ZNF735: variants seen among roughly 807,000 people sequenced by gnomAD.
ZNF735 encodes the protein zinc finger protein 735.
Under a neutral mutation model 13.4 loss-of-function variants are expected in ZNF735, and 11 were observed. The ratio of observed to expected loss-of-function variants is 0.82; its 90% CI spans 0.52 to 1.36. The LOEUF (loss-of-function observed/expected upper bound fraction) is 1.36. Ranked by LOEUF, ZNF735 falls within the 40% of genes most tolerant of loss-of-function variation. The pLI, the probability that ZNF735 is intolerant of heterozygous loss-of-function variation, is 0.00. For synonymous variants in ZNF735, 171 were observed against 162.6 expected (o/e 1.05, Z -0.39); for missense variants, 500 against 484.6 (o/e 1.03, Z -0.30).
At chr7:64,219,434 G>A in exon 4 of ZNF735, 2 of 1,613,892 alleles carry the variant, frequency 1.2e-6, no homozygotes, top group African/African-American at 1.3e-5. Context: ...TTAAAAAAAT[G>A]TTGTAAAAGA....
At chr7:64,211,870 A>T (rs1312018146) in intron 1 of ZNF735, among the ~76,000 whole-genome samples, 1 of 94,116 alleles carries the variant, frequency 1.1e-5, no homozygotes, top group African/African-American at 4.1e-5. Context: ...CATCTCAAAA[A>T]AAAAAGAAAA....
Position 64,207,596 on chromosome 7 carries a change from C to T in ZNF735, c.39+355C>T, listed in dbSNP as rs559659716. ...GTGCAGGATTCATAAGTGGTAAGAG[C>T]TGTGGTCCCTGGGGTCCCTAGTTCC... On this transcript the variant is annotated intron_variant, in intron 1 of 3. Coordinates refer to ENST00000429565, the Ensembl canonical transcript of ZNF735. 5.3e-5 allele frequency among the ~76,000 whole-genome samples: 8 copies of T among 152,306 alleles called. No individual in the cohort carries two copies. In the East Asian group the frequency reaches 1.5e-3, roughly 29 times the overall value.
intron 3 of ZNF735, among the ~76,000 whole-genome samples, chr7:64,215,048 T>C (rs1037802303): frequency 1.8e-4 from 27 of 151,780 alleles, no homozygotes; most frequent in African/African-American, 6.1e-4. Context: ...GTTTAATCAT[T>C]TGTCCATTTC....
intron 3 of ZNF735, 56 bp from the exon 4 acceptor site, chr7:64,219,258 A>T: frequency 1.9e-6 from 3 of 1,568,556 alleles, no homozygotes; most frequent in Non-Finnish European, 2.6e-6. Context: ...TGATTTGTAC[A>T]GTATATTTAT....
chr7:64,207,565 C>T (rs1787304031), intron 1 of ZNF735, among the ~76,000 whole-genome samples: 1 of 152,194 alleles, frequency 6.6e-6, no homozygotes. Context: ...AGAATCCTGA[C>T]ACAGGGTGCA....
chr7:64,210,573 T>C (rs1451912555), intron 1 of ZNF735, among the ~76,000 whole-genome samples: 1 of 152,174 alleles, frequency 6.6e-6, no homozygotes, highest in Admixed American at 6.5e-5. Flanking sequence ...CAGGAGAGTT[T>C]AGTTCAACCT....
At chr7:64,216,066 C>T (rs1239321414) in intron 3 of ZNF735, among the ~76,000 whole-genome samples, 12 of 152,052 alleles carry the variant, frequency 7.9e-5, no homozygotes, top group East Asian at 1.9e-4. Context: ...GAGGCTGAGG[C>T]GGGTGGATCA....
intron 3 of ZNF735, among the ~76,000 whole-genome samples, chr7:64,217,911 G>T (rs1250420345): frequency 2.0e-5 from 3 of 151,886 alleles, no homozygotes; most frequent in Non-Finnish European, 4.4e-5. Context: ...TATGTTTTAT[G>T]ATTATTTTTA....
At chr7:64,219,705 T>G in exon 4 of ZNF735, 1 of 1,591,710 alleles carries the variant, frequency 6.3e-7, no homozygotes, top group Non-Finnish European at 8.6e-7. Flanking sequence ...GTGAAGAATG[T>G]GGCAAATCCT....
chr7:64,208,451 T>C (rs1787320062), intron 1 of ZNF735, among the ~76,000 whole-genome samples: 1 of 151,790 alleles, frequency 6.6e-6, no homozygotes, highest in Non-Finnish European at 1.5e-5. Context: ...GAGACGGGAT[T>C]TCACCACGTT....
At chr7:64,213,643 T>C (rs1787386396) in intron 2 of ZNF735, among the ~76,000 whole-genome samples, 1 of 152,138 alleles carries the variant, frequency 6.6e-6, no homozygotes, top group Non-Finnish European at 1.5e-5. Context: ...AGCATAATAC[T>C]AGTTTGGTAA....
At chr7:64,217,787 G>A (rs1584215883) in intron 3 of ZNF735, among the ~76,000 whole-genome samples, 1 of 151,540 alleles carries the variant, frequency 6.6e-6, no homozygotes, top group Non-Finnish European at 1.5e-5. Flanking sequence ...ACCTCTTAAT[G>A]TTACAATAGT....
chr7:64,219,820 A>G (rs1300168785), exon 4 of ZNF735: 8 of 1,613,334 alleles, frequency 5.0e-6, no homozygotes, highest in Non-Finnish European at 6.8e-6. Flanking sequence ...CTCAAACCTT[A>G]CTAGACATAA....
intron 3 of ZNF735, among the ~76,000 whole-genome samples, chr7:64,218,544 T>C (rs1787448271): frequency 6.6e-6 from 1 of 152,128 alleles, no homozygotes; most frequent in South Asian, 2.1e-4. Flanking sequence ...TTCTCATTTA[T>C]CTGATGTCTG....
chr7:64,216,206 G>A (rs1481024997), intron 3 of ZNF735, among the ~76,000 whole-genome samples: 1 of 151,642 alleles, frequency 6.6e-6, no homozygotes, highest in Non-Finnish European at 1.5e-5. Context: ...TGAGGCAGGA[G>A]AATGGCATGA....
intron 1 of ZNF735, among the ~76,000 whole-genome samples, chr7:64,208,018 G>A (rs1049494101): frequency 4.0e-5 from 6 of 151,886 alleles, no homozygotes; most frequent in Non-Finnish European, 8.8e-5. Context: ...AGAGCGCCCA[G>A]CTATGGCTTG....
chr7:64,208,248 T>TTTG (rs1787314690), intron 1 of ZNF735, among the ~76,000 whole-genome samples: 1 of 48,972 alleles, frequency 2.0e-5, no homozygotes, highest in African/African-American at 7.9e-5. Flanking sequence ...ATAAATGTTT[T>TTTG]TTTTTTTTTT....
intron 1 of ZNF735, among the ~76,000 whole-genome samples, chr7:64,209,371 C>T (rs999411351): frequency 3.4e-5 from 5 of 146,328 alleles, no homozygotes; most frequent in East Asian, 4.0e-4. Context: ...TTTTTTGAGA[C>T]GGAGCTTCGC....
intron 3 of ZNF735, among the ~76,000 whole-genome samples, chr7:64,218,042 T>G (rs1787442882): frequency 6.6e-6 from 1 of 152,176 alleles, no homozygotes; most frequent in African/African-American, 2.4e-5. Flanking sequence ...TGTATTTTCA[T>G]ATGATCTTTT....
Sources: allele counts gnomAD v4.1 joint callset (sites outside exome capture counted in the v4.1 genomes callset), GRCh38; gene constraint gnomAD v4.1.1; transcripts MANE v1.5; gene names NCBI Gene and HGNC (gene_info 2026-07-23, HGNC 2026-07-21).